The following CAST variants were observed in gnomAD, a reference collection of about 807,000 sequenced individuals.
CAST encodes calpastatin, also known as MIR583 host.
Under a neutral mutation model 119.6 loss-of-function variants are expected in CAST, and 76 were observed. That is an observed-to-expected ratio of 0.64 (90% confidence interval 0.53 to 0.77). CAST has a LOEUF of 0.77. CAST is among the 30% of genes least tolerant of loss of function. The pLI is 0.00. For missense variants in CAST, 953 were observed against 946.5 expected, an observed-to-expected ratio of 1.01 and a Z score of -0.09; for synonymous variants, 319 against 331.6, an observed-to-expected ratio of 0.96 and a Z score of 0.41.
chr5:96,031,527 A>G, the CAST span, among the ~76,000 whole-genome samples: 1 of 152,168 alleles, frequency 6.6e-6, no homozygotes, highest in South Asian at 2.1e-4. Flanking sequence ...CCATAAAGAT[A>G]CTTTTCTTCA....
chr5:96,504,755 C>T, the CAST span, among the ~76,000 whole-genome samples: 1 of 152,170 alleles, frequency 6.6e-6, no homozygotes, highest in Non-Finnish European at 1.5e-5. Context: ...CCAAAATTCC[C>T]TCTTGCCATT....
the CAST span, among the ~76,000 whole-genome samples, chr5:96,104,236 T>C: frequency 6.6e-6 from 1 of 152,382 alleles, no homozygotes; most frequent in South Asian, 2.1e-4. Context: ...CTCTTTAGTT[T>C]AATTACATCC....
the CAST span, among the ~76,000 whole-genome samples, chr5:96,131,978 C>A: frequency 6.6e-6 from 1 of 152,084 alleles, no homozygotes; most frequent in Non-Finnish European, 1.5e-5. Context: ...GTCTAGAAAG[C>A]AAAAGCCAGA....
the CAST span, among the ~76,000 whole-genome samples, chr5:96,301,639 C>A: frequency 2.6e-5 from 4 of 152,186 alleles, no homozygotes; most frequent in African/African-American, 7.2e-5. Flanking sequence ...AACAAAGGGG[C>A]TACAGGCCCC....
chr5:96,343,003 A>G, the CAST span, among the ~76,000 whole-genome samples: 2 of 152,236 alleles, frequency 1.3e-5, no homozygotes, highest in African/African-American at 4.8e-5. Flanking sequence ...TAGGGCAATG[A>G]AGCTTACATT....
the CAST span, among the ~76,000 whole-genome samples, chr5:96,377,441 A>G: frequency 5.9e-4 from 90 of 152,180 alleles, no homozygotes; most frequent in Non-Finnish European, 1.2e-3. Context: ...TCTCTTTTAT[A>G]CTGCATTTTA....
rs138736431 is a variant in CAST, at chr5:96,725,373, G to A, written c.271-1421G>A. ...TCCTGTCCTAAGCAAGTGTCCAGAT[G>A]GGATTGTCTGTTGGCCACTACTGGG... On this transcript the variant is annotated intron_variant, in intron 4 of 31. Transcript: ENST00000675179. Among the ~76,000 whole-genome samples the A allele has an allele frequency of 6.6e-5, 10 of 152,318 alleles. No homozygotes were observed. In the East Asian group the frequency reaches 1.9e-3, roughly 29 times the overall value.
chr5:96,609,289 G>C (rs1747317479), intron 1 of CAST, among the ~76,000 whole-genome samples: 1 of 152,072 alleles, frequency 6.6e-6, no homozygotes, highest in African/African-American at 2.4e-5. Context: ...TGTTACATAG[G>C]TTGACAACTT....
chr5:96,694,294 A>G (rs1022758370), intron 2 of CAST, among the ~76,000 whole-genome samples: 1 of 152,176 alleles, frequency 6.6e-6, no homozygotes, highest in Non-Finnish European at 1.5e-5. Context: ...TTTACAGTAC[A>G]TTATTCACAC....
the CAST span, among the ~76,000 whole-genome samples, chr5:96,008,412 A>G: frequency 1.3e-5 from 2 of 152,136 alleles, no homozygotes; most frequent in Admixed American, 6.5e-5. Flanking sequence ...TTGGTCATAC[A>G]TATCTTTTTT....
the CAST span, among the ~76,000 whole-genome samples, chr5:96,355,718 T>G: frequency 1.7e-3 from 257 of 152,218 alleles, 4 homozygotes; most frequent in Admixed American, 0.015. Flanking sequence ...TTATTTTTTT[T>G]TTGAGACGGC....
intron 3 of CAST, among the ~76,000 whole-genome samples, chr5:96,711,356 GA>G (rs962896812): frequency 1.3e-5 from 2 of 152,066 alleles, no homozygotes; most frequent in South Asian, 4.2e-4. Context: ...CTGATAATCT[GA>G]AAAAAATTCT....
At chr5:96,172,370 G>T in the CAST span, among the ~76,000 whole-genome samples, 1 of 152,176 alleles carries the variant, frequency 6.6e-6, no homozygotes, top group Non-Finnish European at 1.5e-5. Context: ...GGATGTATAC[G>T]TGCAGGTCAC....
the CAST span, among the ~76,000 whole-genome samples, chr5:96,369,003 G>A: frequency 3.3e-5 from 5 of 152,040 alleles, no homozygotes; most frequent in East Asian, 9.6e-4. Flanking sequence ...TTAGAATTCT[G>A]AAACTTTACA....
the CAST span, among the ~76,000 whole-genome samples, chr5:96,315,213 A>G: frequency 6.6e-6 from 1 of 152,232 alleles, no homozygotes; most frequent in South Asian, 2.1e-4. Flanking sequence ...GGATTAAACA[A>G]TTGTTTAGTA....
At chr5:96,707,701 C>G (rs930308330) in intron 3 of CAST, among the ~76,000 whole-genome samples, 6 of 152,136 alleles carry the variant, frequency 3.9e-5, no homozygotes, top group Non-Finnish European at 7.4e-5. Flanking sequence ...GGAGCCTGAG[C>G]AAGGTCATGG....
At chr5:96,211,199 T>C in the CAST span, among the ~76,000 whole-genome samples, 1 of 151,988 alleles carries the variant, frequency 6.6e-6, no homozygotes, top group African/African-American at 2.4e-5. Context: ...TCCAGTAATA[T>C]GGGTGAGTAA....
chr5:96,688,274 G>A (rs1752305413), intron 2 of CAST, among the ~76,000 whole-genome samples: 1 of 152,124 alleles, frequency 6.6e-6, no homozygotes, highest in African/African-American at 2.4e-5. Flanking sequence ...GAAAATGTTA[G>A]AAATATGATT....
intron 1 of CAST, among the ~76,000 whole-genome samples, chr5:96,620,280 TTC>T (rs1475435501): frequency 7.0e-6 from 1 of 142,986 alleles, no homozygotes; most frequent in Non-Finnish European, 1.5e-5. Flanking sequence ...GTGAAGCCAG[TTC>T]TTTTTCTTTT....
Sources: allele counts gnomAD v4.1 joint callset (sites outside exome capture counted in the v4.1 genomes callset), GRCh38; gene constraint gnomAD v4.1.1; transcripts MANE v1.5; gene names NCBI Gene and HGNC (gene_info 2026-07-23, HGNC 2026-07-21).